JPH3: variants seen among roughly 807,000 people sequenced by gnomAD.
JPH3 encodes the protein junctophilin-3.
In JPH3, 11 loss-of-function variants were observed where a neutral mutation model predicts 59.6. The observed-to-expected ratio is 0.18, with a 90% CI of 0.12 to 0.31. JPH3 has a LOEUF of 0.31. Ranked by LOEUF, JPH3 falls within the 10% of genes least tolerant of loss-of-function variation. The pLI, the probability that JPH3 is intolerant of heterozygous loss-of-function variation, is 1.00. For synonymous variants in JPH3, 673 were observed against 483.6 expected (o/e 1.39, Z -5.14); for missense variants, 1,202 against 1,105.7 (o/e 1.09, Z -1.24).
intron 1 of JPH3, among the ~76,000 whole-genome samples, chr16:87,642,596 T>C (rs2031990657): frequency 6.6e-6 from 1 of 152,246 alleles, no homozygotes; most frequent in South Asian, 2.1e-4. Flanking sequence ...GGAAGAGTGG[T>C]GGACGGACTC....
At chr16:87,667,808 G>GTTTGTTTTGT (rs760804774) in intron 2 of JPH3, among the ~76,000 whole-genome samples, 3 of 152,200 alleles carry the variant, frequency 2.0e-5, no homozygotes, top group African/African-American at 7.2e-5. Context: ...GTCTGTTTTT[G>GTTTGTTTTGT]TTTGTTTTGT....
chr16:87,628,194 C>G (rs781010746), intron 1 of JPH3, among the ~76,000 whole-genome samples: 3 of 152,260 alleles, frequency 2.0e-5, no homozygotes, highest in Admixed American at 6.5e-5. Context: ...ACGCCCAGGT[C>G]TCCTGAGCCT....
chr16:87,666,335 C>G (rs538508018), intron 2 of JPH3, among the ~76,000 whole-genome samples: 1 of 151,566 alleles, frequency 6.6e-6, no homozygotes, highest in Admixed American at 6.6e-5. Flanking sequence ...GTGATCCGCT[C>G]CCCTCGACCT....
chr16:87,659,246 A>G (rs2032615446), intron 2 of JPH3, among the ~76,000 whole-genome samples: 1 of 151,962 alleles, frequency 6.6e-6, no homozygotes. Context: ...GTATGGTGGC[A>G]GGCACCTGTA....
Position 87,644,966 on chromosome 16 carries a change from A to G in JPH3, c.1091A>G (p.Asp364Gly). The G allele has an allele frequency of 6.2e-7, 1 of 1,610,894 alleles. No homozygotes were observed. Among genetic ancestry groups the G allele is most frequent in the Non-Finnish European group, 8.5e-7 (1 of 1,179,848 alleles). The change falls in exon 2 of 5, where the codon GAC becomes GGC. Residue 364 changes from aspartate to glycine, a missense_variant. Asp to Gly is a moderately conservative substitution (Grantham distance 94, BLOSUM62 -1). Coordinates refer to ENST00000284262, the MANE Select transcript of JPH3 (RefSeq NM_020655.4). Reference protein sequence around the residue: ...LRASKIREKVDRAVEAAERAA... With the variant: ...LRASKIREKVGRAVEAAERAA... ...GCCAGCAAGATCCGCGAGAAGGTGG[A>G]CCGCGCCGTTGAGGCCGCTGAGCGG...
At chr16:87,687,028 T>C (rs912746977) in intron 3 of JPH3, among the ~76,000 whole-genome samples, 3 of 152,200 alleles carry the variant, frequency 2.0e-5, no homozygotes, top group African/African-American at 7.2e-5. Flanking sequence ...GCATCTTCCC[T>C]GGAGGGGGCG....
intron 1 of JPH3, among the ~76,000 whole-genome samples, chr16:87,643,618 T>C (rs886084105): frequency 6.6e-6 from 1 of 152,112 alleles, no homozygotes. Flanking sequence ...CCAGGACGCG[T>C]TTCCTTGTGC....
At chr16:87,695,092 G>T in intron 4 of JPH3, 2 of 353,364 alleles carry the variant, frequency 5.7e-6, no homozygotes, top group Non-Finnish European at 1.1e-5. Flanking sequence ...CTGGGTCCCC[G>T]GTGTTCTCAT....
At chr16:87,633,502 T>C (rs2031632128) in intron 1 of JPH3, among the ~76,000 whole-genome samples, 1 of 151,230 alleles carries the variant, frequency 6.6e-6, no homozygotes, top group Non-Finnish European at 1.5e-5. Context: ...AATTTATATA[T>C]ATATATATTA....
At chr16:87,619,862 T>C (rs1175771429) in intron 1 of JPH3, among the ~76,000 whole-genome samples, 1 of 152,016 alleles carries the variant, frequency 6.6e-6, no homozygotes, top group Admixed American at 6.6e-5. Context: ...AGGAAGGGGC[T>C]GGAGATGCCT....
intron 2 of JPH3, among the ~76,000 whole-genome samples, chr16:87,653,027 C>T (rs11117292): frequency 6.6e-6 from 1 of 151,946 alleles, no homozygotes; most frequent in Non-Finnish European, 1.5e-5. Context: ...GGCCTGGTTG[C>T]TGAGGAGGGC....
chr16:87,659,284 T>C (rs1340265609), intron 2 of JPH3, among the ~76,000 whole-genome samples: 1 of 146,014 alleles, frequency 6.8e-6, no homozygotes, highest in African/African-American at 2.6e-5. Flanking sequence ...AGCTGAGGCA[T>C]GAGAATCACT....
chr16:87,633,216 C>T (rs555283439), intron 1 of JPH3, among the ~76,000 whole-genome samples: 21 of 152,156 alleles, frequency 1.4e-4, no homozygotes, highest in Admixed American at 8.5e-4. Flanking sequence ...TCTTTGTTTT[C>T]GTGGGCTTGT....
intron 1 of JPH3, among the ~76,000 whole-genome samples, chr16:87,642,578 C>G (rs773187365): frequency 6.6e-6 from 1 of 152,196 alleles, no homozygotes; most frequent in Non-Finnish European, 1.5e-5. Context: ...CCTGTGCCAC[C>G]GTGAGTTGGA....
intron 4 of JPH3, among the ~76,000 whole-genome samples, chr16:87,691,234 T>A (rs1328670846): frequency 6.7e-6 from 1 of 149,674 alleles, no homozygotes; most frequent in African/African-American, 2.4e-5. Flanking sequence ...AGGGCTGGCC[T>A]CCCCTTGAAG....
At chr16:87,621,909 G>C (rs1393708691) in intron 1 of JPH3, among the ~76,000 whole-genome samples, 2 of 152,206 alleles carry the variant, frequency 1.3e-5, no homozygotes, top group African/African-American at 4.8e-5. Context: ...GCGGAGATGG[G>C]TCAAGAAGCA....
In JPH3 at chr16:87,677,227, A is replaced by ACACACACACAC. The variant is rs1567610816; in HGVS notation, c.1161-6915_1161-6914insCACACACACAC. Among the ~76,000 whole-genome samples, 485 of 99,136 alleles carry ACACACACACAC rather than the reference A, an allele frequency of 4.9e-3. 8 individuals are homozygous for ACACACACACAC. The highest frequency in any genetic ancestry group is 6.9e-3 in the East Asian group (21 of 3,038). The allele number at this position is 99,136 out of a possible 152,430, so 65.0% of individuals were successfully genotyped here. ...ACACACACACACACACACACACACA[A>ACACACACACAC]AAAAAAAAATTAGCCGGGTGTGGTG... On this transcript the variant is annotated intron_variant, in intron 2 of 4. Transcript: ENST00000284262.
chr16:87,663,766 C>T (rs1057019772), intron 2 of JPH3, among the ~76,000 whole-genome samples: 1 of 152,200 alleles, frequency 6.6e-6, no homozygotes, highest in African/African-American at 2.4e-5. Flanking sequence ...AAACTTACAG[C>T]GTTTTCAAGC....
intron 2 of JPH3, among the ~76,000 whole-genome samples, chr16:87,681,079 C>G (rs1290951714): frequency 2.0e-5 from 3 of 152,138 alleles, no homozygotes; most frequent in African/African-American, 7.2e-5. Flanking sequence ...GAAATATTAC[C>G]CATCGCAGGA....
Sources: gnomAD v4.1 joint callset for allele counts (sites outside exome capture counted in the v4.1 genomes callset) on GRCh38, gnomAD v4.1.1 for gene constraint, MANE v1.5 for transcripts, NCBI Gene and HGNC (gene_info 2026-07-23, HGNC 2026-07-21) for gene names.